Variants in PPP2R2D observed in about 807,000 individuals in gnomAD.
PPP2R2D encodes serine/threonine-protein phosphatase 2A 55 kDa regulatory subunit B delta isoform.
A neutral mutation model predicts 31.1 loss-of-function variants in PPP2R2D; 9 were observed. The ratio of observed to expected loss-of-function variants is 0.29; its 90% CI spans 0.17 to 0.51. The LOEUF is 0.51. PPP2R2D is among the 20% of genes least tolerant of loss of function. PPP2R2D has a pLI of 0.98. For missense variants in PPP2R2D, 391 were observed against 465.6 expected, an observed-to-expected ratio of 0.84 and a Z score of 1.48; for synonymous variants, 179 against 172.6, an observed-to-expected ratio of 1.04 and a Z score of -0.29.
At chr10:131,962,550 T>C (rs2036939237), downstream of PPP2R2D, among the ~76,000 whole-genome samples, 1 of 152,224 alleles carries the variant, frequency 6.6e-6, no homozygotes. Flanking sequence ...CTTCTTATCC[T>C]TGGGACGTGT....
chr10:131,955,861 CTT>C lies in PPP2R2D; in HGVS notation c.1261_1262del (p.Phe421GlnfsTer23). 6.2e-7 allele frequency: 1 copy of C among 1,610,686 alleles called. No homozygotes were observed. The highest frequency in any genetic ancestry group is 8.5e-7 in the Non-Finnish European group (1 of 1,178,256). ...ACGAGATCAGTGTGGACAGTCTGGA[CTT>C]CAACAAGAAGATCCTGCACACAGCC... The part of the protein sequence containing the change: ...KDEISVDSLD[F>X]NKKILHTAWH... On this transcript the variant is annotated frameshift_variant, in exon 9 of 9. Transcript: ENST00000455566. LOFTEE classifies it high-confidence loss of function.
intron 2 of PPP2R2D, among the ~76,000 whole-genome samples, chr10:131,924,010 T>G (rs1193628329): frequency 3.3e-5 from 5 of 152,218 alleles, no homozygotes; most frequent in African/African-American, 9.6e-5. Context: ...TTAGCCACCG[T>G]GCCCGGGCCT....
chr10:131,907,242 A>G (rs1313351669), intron 2 of PPP2R2D, among the ~76,000 whole-genome samples: 2 of 151,918 alleles, frequency 1.3e-5, no homozygotes, highest in South Asian at 2.1e-4. Flanking sequence ...GCTTATTTGA[A>G]TTATTTCCGG....
intron 8 of PPP2R2D, among the ~76,000 whole-genome samples, chr10:131,953,439 C>A (rs111981938): frequency 0.28 from 25,696 of 92,410 alleles, 3,383 homozygotes; most frequent in East Asian, 0.4. Context: ...CCTGTCTTAG[C>A]AGTGACTTGC....
rs1344855245 is a variant in PPP2R2D at position 131,932,191 on chromosome 10, A to C, written c.101-2267A>C. On this transcript the variant is annotated intron_variant, in intron 2 of 8. Coordinates refer to ENST00000455566, the MANE Select transcript of PPP2R2D (RefSeq NM_018461.5). Reference sequence around the variant, plus strand: ...TGTTGAATGAGGATTGCACAGCCAGACAGCCAGCTGGCAGCAGTGCCACGG... The same window carrying C: ...TGTTGAATGAGGATTGCACAGCCAGCCAGCCAGCTGGCAGCAGTGCCACGG... 4.6e-5 allele frequency among the ~76,000 whole-genome samples: 7 copies of C among 152,062 alleles called. No individual in the cohort carries two copies. The East Asian group carries it at 5.8e-4, about 13-fold the overall frequency.
At chr10:131,940,262 A>T (rs1476866409) in intron 4 of PPP2R2D, 66 bp downstream of exon 4, 1 of 593,222 alleles carries the variant, frequency 1.7e-6, no homozygotes, top group Non-Finnish European at 3.1e-6. Context: ...GTGTGTGTGT[A>T]GATTCCTTTT....
chr10:131,943,688 C>T (rs930833252), intron 5 of PPP2R2D, among the ~76,000 whole-genome samples: 3 of 152,206 alleles, frequency 2.0e-5, no homozygotes, highest in African/African-American at 7.2e-5. Flanking sequence ...CCGCAGGCCT[C>T]GGTGCCTGGG....
At chr10:131,952,347 T>G (rs1312858180) in intron 8 of PPP2R2D, among the ~76,000 whole-genome samples, 12 of 27,916 alleles carry the variant, frequency 4.3e-4, no homozygotes, top group African/African-American at 2.0e-3. Flanking sequence ...TTTGCATGTG[T>G]GGGGGGGGTT....
chr10:131,902,776 T>G (rs2035521249), intron 2 of PPP2R2D, among the ~76,000 whole-genome samples: 1 of 152,146 alleles, frequency 6.6e-6, no homozygotes, highest in African/African-American at 2.4e-5. Flanking sequence ...GGAGACAGGG[T>G]CTCACTTTGT....
chr10:131,940,498 C>G, intron 4 of PPP2R2D, 84 bp from the exon 5 acceptor site: 1 of 667,284 alleles, frequency 1.5e-6, no homozygotes, highest in Non-Finnish European at 2.7e-6. Context: ...AGGACCACAC[C>G]GCTTTCTAAT....
chr10:131,970,833 G>T, the PPP2R2D span: 1 of 1,614,208 alleles, frequency 6.2e-7, no homozygotes, highest in East Asian at 2.2e-5. The surrounding 1 kb of genome is among the most constrained non-coding windows in gnomAD (Gnocchi z 4.1). Flanking sequence ...TCTGTCAAGG[G>T]GTGCCCCCGT....
chr10:131,937,288 G>A (rs1375459694), intron 3 of PPP2R2D, among the ~76,000 whole-genome samples: 2 of 152,164 alleles, frequency 1.3e-5, no homozygotes, highest in African/African-American at 4.8e-5. Context: ...AAGTCTTACA[G>A]GAAAGCCCAG....
intron 2 of PPP2R2D, among the ~76,000 whole-genome samples, chr10:131,902,158 G>A (rs1372843164): frequency 2.0e-5 from 3 of 152,158 alleles, no homozygotes. Context: ...TGGAGAACTT[G>A]GTCGAGTCTT....
intron 2 of PPP2R2D, among the ~76,000 whole-genome samples, chr10:131,906,134 A>C (rs1397997466): frequency 6.6e-6 from 1 of 152,198 alleles, no homozygotes; most frequent in Non-Finnish European, 1.5e-5. Flanking sequence ...GTCACTTTCC[A>C]CATGACTGCA....
chr10:131,945,535 C>A lies in PPP2R2D; in HGVS notation c.820+76C>A. The A allele has an allele frequency of 6.7e-7, 1 of 1,490,162 alleles. No homozygotes were observed. The highest frequency in any genetic ancestry group is 9.0e-7 in the Non-Finnish European group (1 of 1,108,386). 92.3% of individuals were successfully genotyped at this position (1,490,162 alleles called of 1,614,324 possible). The stretch of plus-strand genomic sequence containing the variant: ...GGTGCAGTGACACAGTCTCGGCTCA[C>A]GGCAAGCTCCGCCTCCCGGGTTCCA... On this transcript the variant is annotated intron_variant, in intron 7 of 8. Coordinates refer to ENST00000455566, the MANE Select transcript of PPP2R2D (RefSeq NM_018461.5). This position sits in a 1 kb window ranked among gnomAD's most constrained non-coding sequence, Gnocchi z 4.8.
rs573648154 is a variant in PPP2R2D, at chr10:131,956,369, C to T, written c.*406C>T. 175 of 987,036 alleles carry T rather than the reference C, an allele frequency of 1.8e-4. No homozygotes were observed. Among genetic ancestry groups the T allele is most frequent in the East Asian group, 6.7e-4 (6 of 8,900 alleles). The allele number at this position is 987,036 out of a possible 1,614,324, so 61.1% of individuals were successfully genotyped here. On this transcript the variant is annotated 3_prime_UTR_variant, in exon 9 of 9. Transcript: ENST00000455566. Reference sequence around the variant, plus strand: ...CATCACACTTGGGCCTTCACTGCAGCGTGGTGTGGCCACCGTCCGTGTCCT... The same window carrying T: ...CATCACACTTGGGCCTTCACTGCAGTGTGGTGTGGCCACCGTCCGTGTCCT...
chr10:131,913,627 G>C (rs1396919446), intron 2 of PPP2R2D, among the ~76,000 whole-genome samples: 2 of 152,150 alleles, frequency 1.3e-5, no homozygotes, highest in Non-Finnish European at 2.9e-5. Flanking sequence ...GATGGGGGTG[G>C]ATATTTTCTG....
chr10:131,958,337 G>C lies in PPP2R2D; in HGVS notation c.*2374G>C, dbSNP rs1554900672. On this transcript the variant is annotated 3_prime_UTR_variant, in exon 9 of 9. Transcript: ENST00000455566. ...CCCCCATCCCCCTGTGGAGATGAAGGGGTGTGCTGATCCCCCGTCTTCCTG... is the reference window on the plus strand; with the variant it reads ...CCCCCATCCCCCTGTGGAGATGAAGCGGTGTGCTGATCCCCCGTCTTCCTG... 2 of 199,988 alleles carry C rather than the reference G, an allele frequency of 1.0e-5. No homozygotes were observed. Among genetic ancestry groups the C allele is most frequent in the Non-Finnish European group, 1.0e-5 (1 of 99,814 alleles). The allele number at this position is 199,988 out of a possible 1,614,324, so 12.4% of individuals were successfully genotyped here.
At chr10:131,970,903 ATCCAATCTGAGTTTT>A in the PPP2R2D span, 2 of 1,614,152 alleles carry the variant, frequency 1.2e-6, no homozygotes, top group Non-Finnish European at 1.7e-6. The surrounding 1 kb of genome is among the most constrained non-coding windows in gnomAD (Gnocchi z 4.1). Context: ...CCAATCCCAT[ATCCAATCTGAGTTTT>A]TCTTCAAGAT....
Sources: allele counts gnomAD v4.1 joint callset (sites outside exome capture counted in the v4.1 genomes callset), GRCh38; gene constraint gnomAD v4.1.1; non-coding constraint Gnocchi (gnomAD v3.1); transcripts MANE v1.5; gene names NCBI Gene and HGNC (gene_info 2026-07-23, HGNC 2026-07-21).